CCDC85A: variants seen among roughly 807,000 people sequenced by gnomAD.
CCDC85A encodes the protein coiled-coil domain-containing protein 85A.
In CCDC85A, 38 loss-of-function variants were observed where a neutral mutation model predicts 50.2. The ratio of observed to expected loss-of-function variants is 0.76; its 90% CI spans 0.58 to 0.99. The LOEUF (loss-of-function observed/expected upper bound fraction) is 0.99. Ranked by LOEUF, CCDC85A falls within the 50% of genes least tolerant of loss-of-function variation. CCDC85A has a pLI of 0.00. For missense variants in CCDC85A, 820 were observed against 742.0 expected (o/e 1.11, Z -1.22); for synonymous variants, 366 against 301.4 (o/e 1.21, Z -2.22).
chr2:56,329,943 CTGTTTTTTTTTTTTTTTTTT>C (rs1334519847), intron 2 of CCDC85A, among the ~76,000 whole-genome samples: 6 of 22,896 alleles, frequency 2.6e-4, no homozygotes, highest in Admixed American at 2.0e-3. Context: ...TACAGATTTC[CTGTTTTTTTTTTTTTTTTTT>C]TTTTTTTTTT....
chr2:56,355,190 T>C (rs1200773988), intron 3 of CCDC85A, among the ~76,000 whole-genome samples: 1 of 152,178 alleles, frequency 6.6e-6, no homozygotes, highest in African/African-American at 2.4e-5. Context: ...TTTCCAATAT[T>C]CTCTGGGCTG....
At chr2:56,269,984 C>T (rs1401578947) in intron 2 of CCDC85A, among the ~76,000 whole-genome samples, 3 of 152,208 alleles carry the variant, frequency 2.0e-5, no homozygotes, top group Non-Finnish European at 2.9e-5. Flanking sequence ...TGCTTTCTCA[C>T]AGTAGTGGCA....
chr2:56,248,909 C>G (rs17047684), intron 2 of CCDC85A, among the ~76,000 whole-genome samples: 26,014 of 152,136 alleles, frequency 0.17, 2,387 homozygotes, highest in East Asian at 0.28. Flanking sequence ...AAAATCCATA[C>G]CCTTAGCTAC....
intron 2 of CCDC85A, among the ~76,000 whole-genome samples, chr2:56,241,597 G>T (rs1669261836): frequency 6.6e-6 from 1 of 151,988 alleles, no homozygotes; most frequent in South Asian, 2.1e-4. Context: ...GTCTTTCTGT[G>T]CCTGGCTTAT....
intron 3 of CCDC85A, among the ~76,000 whole-genome samples, chr2:56,361,831 T>C (rs922348457): frequency 6.6e-6 from 1 of 152,152 alleles, no homozygotes; most frequent in African/African-American, 2.4e-5. Flanking sequence ...TATCATTAAT[T>C]CACATTTTTG....
At chr2:56,256,229 T>C (rs1215616984) in intron 2 of CCDC85A, among the ~76,000 whole-genome samples, 2 of 152,234 alleles carry the variant, frequency 1.3e-5, no homozygotes, top group Admixed American at 6.5e-5. Flanking sequence ...TTTTCTGGAA[T>C]TGTGCATTGG....
At chr2:56,342,800 A>T (rs1353988777) in intron 2 of CCDC85A, 79 bp from the exon 3 acceptor site, 22 of 881,194 alleles carry the variant, frequency 2.5e-5, no homozygotes, top group Non-Finnish European at 3.7e-5. Context: ...TGATTTGAAT[A>T]AATCAAGCCA....
chr2:56,222,329 A>G (rs2103910211), intron 2 of CCDC85A, among the ~76,000 whole-genome samples: 1 of 152,294 alleles, frequency 6.6e-6, no homozygotes, highest in Admixed American at 6.5e-5. Context: ...TACATATTTA[A>G]GGTATATAGC....
At chr2:56,361,078 C>A (rs1259190102) in intron 3 of CCDC85A, among the ~76,000 whole-genome samples, 1 of 152,104 alleles carries the variant, frequency 6.6e-6, no homozygotes, top group Non-Finnish European at 1.5e-5. Flanking sequence ...ATGTTGAAAC[C>A]CCATCTCTAC....
chr2:56,381,132 C>A (rs13416667), intron 5 of CCDC85A, among the ~76,000 whole-genome samples: 45,561 of 151,732 alleles, frequency 0.3, 7,227 homozygotes, highest in African/African-American at 0.38. Context: ...TTTCTCTTCC[C>A]ACCCTTCCTA....
At chr2:56,264,235 C>T (rs1573127539) in intron 2 of CCDC85A, among the ~76,000 whole-genome samples, 1 of 152,082 alleles carries the variant, frequency 6.6e-6, no homozygotes, top group African/African-American at 2.4e-5. Context: ...TTCAGAACTC[C>T]AGATTCTTAT....
intron 2 of CCDC85A, among the ~76,000 whole-genome samples, chr2:56,203,420 T>A (rs1160815402): frequency 1.3e-5 from 2 of 152,114 alleles, no homozygotes; most frequent in Non-Finnish European, 2.9e-5. Flanking sequence ...GTTCAAGTCT[T>A]CAGTCCCTTA....
At position 56,184,555 on chromosome 2, in the gene CCDC85A, C is replaced by T; in HGVS notation, c.-70C>T. 3 of 1,355,284 alleles carry T rather than the reference C, an allele frequency of 2.2e-6. No homozygotes were observed. Among genetic ancestry groups the T allele is most frequent in the Non-Finnish European group, 2.8e-6 (3 of 1,061,606 alleles). The allele number at this position is 1,355,284 out of a possible 1,614,324, so 84.0% of individuals were successfully genotyped here. On this transcript the variant is annotated 5_prime_UTR_variant, in exon 1 of 6. Transcript: ENST00000407595. ...ACAGGGGTGTGGGCGGAGGCGGCCT[C>T]GCCGCGCCCGCGCCTTCGGGAGTCG...
At chr2:56,296,488 G>A (rs975117480) in intron 2 of CCDC85A, among the ~76,000 whole-genome samples, 14 of 152,210 alleles carry the variant, frequency 9.2e-5, no homozygotes, top group South Asian at 2.1e-4. Context: ...GTCACCAGGC[G>A]CCCTATTATT....
chr2:56,216,937 A>C (rs1668074556), intron 2 of CCDC85A, among the ~76,000 whole-genome samples: 1 of 151,852 alleles, frequency 6.6e-6, no homozygotes, highest in South Asian at 2.1e-4. Context: ...ACTTTAGTTC[A>C]AGGCAACCAA....
At chr2:56,301,994 G>A (rs771884333) in intron 2 of CCDC85A, among the ~76,000 whole-genome samples, 3 of 152,138 alleles carry the variant, frequency 2.0e-5, no homozygotes, top group Non-Finnish European at 4.4e-5. Flanking sequence ...AGTGGCTCAC[G>A]CCTGTAATCC....
At chr2:56,355,322 C>T (rs1675167994) in intron 3 of CCDC85A, among the ~76,000 whole-genome samples, 1 of 152,216 alleles carries the variant, frequency 6.6e-6, no homozygotes, top group South Asian at 2.1e-4. Flanking sequence ...AAGGAATACT[C>T]ACTGTTGGTC....
intron 2 of CCDC85A, among the ~76,000 whole-genome samples, chr2:56,298,770 TA>T (rs1477243645): frequency 1.3e-5 from 2 of 152,210 alleles, no homozygotes. Flanking sequence ...TTTGGGCTGT[TA>T]ACTAAATAGA....
At chr2:56,254,331 G>A (rs1024819851) in intron 2 of CCDC85A, among the ~76,000 whole-genome samples, 32 of 152,084 alleles carry the variant, frequency 2.1e-4, no homozygotes, top group Admixed American at 6.5e-5. Flanking sequence ...CTGTCTCTTT[G>A]TTCTTGGGGT....
Sources: allele counts gnomAD v4.1 joint callset (sites outside exome capture counted in the v4.1 genomes callset), GRCh38; gene constraint gnomAD v4.1.1; transcripts MANE v1.5; gene names NCBI Gene and HGNC (gene_info 2026-07-23, HGNC 2026-07-21).